The following ERC1 variants were observed in gnomAD, a reference collection of about 807,000 sequenced individuals.
ERC1 encodes RAB6 interacting protein 2.
A neutral mutation model predicts 132.0 loss-of-function variants in ERC1; 56 were observed. The observed-to-expected ratio is 0.42, with a 90% confidence interval of 0.34 to 0.53. ERC1 has a LOEUF of 0.53. ERC1 is among the 20% of genes least tolerant of loss of function. The pLI is 0.03. For missense variants in ERC1, 1,202 were observed against 1,349.9 expected, an observed-to-expected ratio of 0.89 and a Z score of 1.72; for synonymous variants, 478 against 476.1, an observed-to-expected ratio of 1.00 and a Z score of -0.05.
intron 15 of ERC1, among the ~76,000 whole-genome samples, chr12:1,343,664 C>G (rs188448055): frequency 6.6e-6 from 1 of 152,226 alleles, no homozygotes; most frequent in East Asian, 1.9e-4. Context: ...CTTACGCTGT[C>G]TCACTTCTCA....
At chr12:1,464,564 G>A (rs1592216633) in intron 18 of ERC1, among the ~76,000 whole-genome samples, 1 of 139,340 alleles carries the variant, frequency 7.2e-6, no homozygotes, top group Non-Finnish European at 1.5e-5. Context: ...CCGTTGCCCA[G>A]GCTGGAGTTC....
In ERC1 at chr12:1,009,605, A is replaced by G. The variant is rs572988585; in HGVS notation, c.-156-18143A>G. 7.3e-5 allele frequency among the ~76,000 whole-genome samples: 7 copies of G among 95,504 alleles called. No homozygotes were observed. In the East Asian group the frequency reaches 1.4e-3, roughly 20 times the overall value. 62.7% of individuals were successfully genotyped at this position (95,504 alleles called of 152,430 possible). ...ATATTGTGACAAGTGTTCACTGCATATAATACGTATTTCTTTACTTTTAAG... is the reference window on the plus strand; with the variant it reads ...ATATTGTGACAAGTGTTCACTGCATGTAATACGTATTTCTTTACTTTTAAG... On this transcript the variant is annotated intron_variant, in intron 1 of 18. Coordinates refer to ENST00000360905, the MANE Select transcript of ERC1 (RefSeq NM_178040.4).
intron 17 of ERC1, among the ~76,000 whole-genome samples, chr12:1,443,033 G>A (rs138150352): frequency 0.011 from 1,608 of 149,634 alleles, 22 homozygotes; most frequent in African/African-American, 0.034. Context: ...TCTGCCTCCC[G>A]AGTAGCTGGG....
intron 7 of ERC1, 130 bp from the exon 8 acceptor site, chr12:1,141,490 G>A (rs139133578): frequency 8.2e-5 from 49 of 595,274 alleles, no homozygotes; most frequent in Admixed American, 3.2e-4. Flanking sequence ...GAGAAACATA[G>A]ATGTAGATAA....
At chr12:1,333,263 C>T (rs1027396931) in intron 15 of ERC1, among the ~76,000 whole-genome samples, 2 of 151,736 alleles carry the variant, frequency 1.3e-5, no homozygotes, top group Non-Finnish European at 1.5e-5. Context: ...CATCCATGTG[C>T]CTGCAAAGGA....
intron 12 of ERC1, among the ~76,000 whole-genome samples, chr12:1,210,349 A>G (rs906555568): frequency 6.6e-6 from 1 of 152,136 alleles, no homozygotes; most frequent in African/African-American, 2.4e-5. Context: ...GTACGTCAGG[A>G]TTGCTCTGTC....
rs553660922 is a variant in ERC1 at position 1,382,241 on chromosome 12, G to A, written c.2925+10264G>A. On this transcript the variant is annotated intron_variant, in intron 16 of 18. Transcript: ENST00000360905. ...CAAAGTACTATTCAGATACTTAATA[G>A]CGCCTAACCCTAGGGCTGTATGGGC... 2.6e-5 allele frequency among the ~76,000 whole-genome samples: 4 copies of A among 152,292 alleles called. No homozygotes were observed. The South Asian group carries it at 8.3e-4, about 32-fold the overall frequency.
intron 15 of ERC1, among the ~76,000 whole-genome samples, chr12:1,325,288 T>C (rs555309279): frequency 1.3e-5 from 2 of 152,308 alleles, no homozygotes; most frequent in Admixed American, 6.5e-5. Context: ...CCTTTCTTGC[T>C]TAGTTTCGCT....
At chr12:1,470,380 C>T (rs2093834839) in intron 18 of ERC1, among the ~76,000 whole-genome samples, 1 of 151,674 alleles carries the variant, frequency 6.6e-6, no homozygotes, top group Admixed American at 6.6e-5. Flanking sequence ...GCAACAAAGC[C>T]TTGTTCTTAC....
intron 2 of ERC1, among the ~76,000 whole-genome samples, chr12:1,065,770 G>A (rs906677031): frequency 3.9e-5 from 6 of 152,014 alleles, no homozygotes; most frequent in East Asian, 3.8e-4. Context: ...TTTTCCTGCA[G>A]GTATATCTAC....
chr12:1,142,694 C>T (rs1319127507), intron 8 of ERC1, among the ~76,000 whole-genome samples: 5 of 152,180 alleles, frequency 3.3e-5, no homozygotes, highest in African/African-American at 9.7e-5. Flanking sequence ...CAAACAATGT[C>T]AGTGTAGTTG....
chr12:1,278,817 T>TA (rs2078459217), intron 14 of ERC1, among the ~76,000 whole-genome samples: 1 of 152,132 alleles, frequency 6.6e-6, no homozygotes, highest in Admixed American at 6.5e-5. Context: ...GAACCCTTAA[T>TA]AAAAGGTCAG....
chr12:1,282,296 C>A (rs2078733327), intron 14 of ERC1, among the ~76,000 whole-genome samples: 1 of 152,104 alleles, frequency 6.6e-6, no homozygotes, highest in Admixed American at 6.5e-5. Context: ...GGCACTTAAA[C>A]CCACTAACCC....
chr12:1,484,428 G>A (rs1386079840), intron 18 of ERC1, among the ~76,000 whole-genome samples: 3 of 152,154 alleles, frequency 2.0e-5, no homozygotes, highest in Admixed American at 1.3e-4. Context: ...TTGGTCAAAG[G>A]ACATATACAA....
intron 2 of ERC1, among the ~76,000 whole-genome samples, chr12:1,048,254 A>T (rs1161370256): frequency 6.6e-6 from 1 of 152,214 alleles, no homozygotes; most frequent in Admixed American, 6.5e-5. Flanking sequence ...TCCTCTTCCC[A>T]TTCCATCCAT....
chr12:1,405,135 G>T (rs113323834), intron 16 of ERC1, among the ~76,000 whole-genome samples: 1 of 117,896 alleles, frequency 8.5e-6, no homozygotes, highest in South Asian at 2.7e-4. Flanking sequence ...ACGAGACTCC[G>T]GCTCAAAAAA....
At chr12:1,373,842 TAGAA>T (rs1411376114) in intron 16 of ERC1, among the ~76,000 whole-genome samples, 1 of 152,164 alleles carries the variant, frequency 6.6e-6, no homozygotes, top group East Asian at 1.9e-4. Flanking sequence ...CTTATAACCT[TAGAA>T]GGAAGTAGCT....
At chr12:1,295,839 T>C (rs549747325) in intron 15 of ERC1, among the ~76,000 whole-genome samples, 5 of 152,004 alleles carry the variant, frequency 3.3e-5, no homozygotes, top group Non-Finnish European at 7.4e-5. Flanking sequence ...TTATATGTAC[T>C]AGAATAAAAA....
chr12:1,494,267 A>G lies in ERC1; in HGVS notation c.*4037A>G. On this transcript the variant is annotated 3_prime_UTR_variant, in exon 19 of 19. Coordinates refer to ENST00000360905, the MANE Select transcript of ERC1 (RefSeq NM_178040.4). ...GCAATGCAGCAGGCACCCTCTGCAG[A>G]GTGAGGCCGCCCGTCCATCACTGCC... is the stretch of plus-strand genomic sequence containing the variant. 4.3e-6 allele frequency: 1 copy of G among 232,212 alleles called. No individual in the cohort carries two copies. The highest frequency in any genetic ancestry group is 8.5e-6 in the Non-Finnish European group (1 of 117,376). The allele number at this position is 232,212 out of a possible 1,614,324, so 14.4% of individuals were successfully genotyped here. A position where few individuals can be genotyped will look rare whatever the true frequency, so the allele number is the denominator to read the frequency against.
Sources: gnomAD v4.1 joint callset for allele counts (sites outside exome capture counted in the v4.1 genomes callset) on GRCh38, gnomAD v4.1.1 for gene constraint, MANE v1.5 for transcripts, NCBI Gene and HGNC (gene_info 2026-07-23, HGNC 2026-07-21) for gene names.